The following LGR5 variants were observed in gnomAD, a reference collection of about 807,000 sequenced individuals.
LGR5 encodes leucine rich repeat containing G protein-coupled receptor 5.
In LGR5, 54 loss-of-function variants were observed where a neutral mutation model predicts 76.7. The ratio of observed to expected loss-of-function variants is 0.70; its 90% CI spans 0.57 to 0.88. LGR5 has a LOEUF of 0.88. Ranked by LOEUF, LGR5 falls within the 40% of genes least tolerant of loss-of-function variation. LGR5 has a pLI of 0.00. For synonymous variants in LGR5, 406 were observed against 421.9 expected (o/e 0.96, Z 0.46); for missense variants, 1,078 against 1,073.3 (o/e 1.00, Z -0.06).
intron 1 of LGR5, chr12:71,448,811 T>A (rs559514237): frequency 1.3e-5 from 2 of 152,314 alleles, no homozygotes; most frequent in African/African-American, 4.8e-5. Flanking sequence ...GAATTTGGAG[T>A]CTTCTAGTAA....
chr12:71,520,692 G>A (rs978988623), intron 2 of LGR5, among the ~76,000 whole-genome samples: 1 of 135,246 alleles, frequency 7.4e-6, no homozygotes, highest in Non-Finnish European at 1.5e-5. Flanking sequence ...ACAGGGAGGG[G>A]AACATCACAC....
intron 8 of LGR5, among the ~76,000 whole-genome samples, chr12:71,563,396 C>T (rs904205527): frequency 6.6e-6 from 1 of 152,182 alleles, no homozygotes; most frequent in African/African-American, 2.4e-5. Flanking sequence ...AGGCTGGCCT[C>T]CCTCCCTTCA....
intron 2 of LGR5, among the ~76,000 whole-genome samples, chr12:71,516,214 A>AT (rs1247419487): frequency 2.6e-5 from 4 of 151,964 alleles, no homozygotes; most frequent in East Asian, 3.8e-4. Context: ...GAACCGTTTC[A>AT]TTTTTTTTAA....
At chr12:71,539,465 C>A (rs1876765331) in intron 4 of LGR5, among the ~76,000 whole-genome samples, 1 of 152,048 alleles carries the variant, frequency 6.6e-6, no homozygotes, top group Admixed American at 6.6e-5. Flanking sequence ...CATAGGTACA[C>A]TTGTGGTTTT....
At chr12:71,460,452 A>G (rs1422566335) in intron 1 of LGR5, among the ~76,000 whole-genome samples, 2 of 152,086 alleles carry the variant, frequency 1.3e-5, no homozygotes, top group Admixed American at 1.3e-4. Flanking sequence ...CAGGGTTTTC[A>G]TCTCACTCTG....
intron 1 of LGR5, among the ~76,000 whole-genome samples, chr12:71,445,404 C>T (rs1431692543): frequency 3.9e-5 from 6 of 152,132 alleles, no homozygotes; most frequent in Admixed American, 1.3e-4. Flanking sequence ...CTTGTTAAAT[C>T]GGCCCATGAG....
At chr12:71,510,925 C>T (rs1875122693) in intron 2 of LGR5, among the ~76,000 whole-genome samples, 1 of 151,848 alleles carries the variant, frequency 6.6e-6, no homozygotes. Flanking sequence ...ATCAGTATGG[C>T]TGGAGCAGAG....
At chr12:71,530,065 C>T (rs1020946435) in intron 3 of LGR5, among the ~76,000 whole-genome samples, 1 of 151,844 alleles carries the variant, frequency 6.6e-6, no homozygotes, top group African/African-American at 2.4e-5. Context: ...CATCATCTTA[C>T]TATAAATTAC....
At chr12:71,439,437 T>C (rs1006343322), upstream of LGR5, among the ~76,000 whole-genome samples, 2 of 152,168 alleles carry the variant, frequency 1.3e-5, no homozygotes, top group Non-Finnish European at 2.9e-5. Flanking sequence ...ACGTGCCGCA[T>C]CCTCCAGTCC....
At chr12:71,559,486 T>A (rs1418628435) in intron 6 of LGR5, 100 bp from the exon 7 acceptor site, 1 of 659,900 alleles carries the variant, frequency 1.5e-6, no homozygotes, top group Non-Finnish European at 2.7e-6. Context: ...CTTCCATTAG[T>A]CATATGGGTT....
intron 1 of LGR5, among the ~76,000 whole-genome samples, chr12:71,484,465 A>G (rs1873742000): frequency 6.6e-6 from 1 of 152,202 alleles, no homozygotes; most frequent in Non-Finnish European, 1.5e-5. Flanking sequence ...TCCACCTCCT[A>G]CTGGTAATTC....
intron 11 of LGR5, among the ~76,000 whole-genome samples, chr12:71,567,607 G>A (rs74101883): frequency 0.023 from 3,432 of 152,186 alleles, 144 homozygotes; most frequent in African/African-American, 0.077. Flanking sequence ...TCACATAGAA[G>A]GCACCTGTGG....
At chr12:71,472,952 T>C (rs1023550625) in intron 1 of LGR5, among the ~76,000 whole-genome samples, 1 of 152,204 alleles carries the variant, frequency 6.6e-6, no homozygotes, top group Admixed American at 6.5e-5. Context: ...TAGAATTCAC[T>C]TGGAATATCT....
At chr12:71,547,209 T>C (rs1253976598) in intron 4 of LGR5, among the ~76,000 whole-genome samples, 1 of 152,224 alleles carries the variant, frequency 6.6e-6, no homozygotes, top group African/African-American at 2.4e-5. Context: ...TCAGCCATTT[T>C]AGCCTTTTGG....
chr12:71,578,233 G>GT (rs1472919047), intron 14 of LGR5, among the ~76,000 whole-genome samples: 1 of 152,188 alleles, frequency 6.6e-6, no homozygotes, highest in South Asian at 2.1e-4. Context: ...TTCAGCTGAA[G>GT]TTTTTTATTT....
intron 14 of LGR5, 31 bp from the exon 15 acceptor site, chr12:71,578,773 T>TA (rs759332151): frequency 6.3e-7 from 1 of 1,579,858 alleles, no homozygotes; most frequent in South Asian, 1.2e-5. Context: ...TAACATAGAC[T>TA]AAAAGCCAAT....
chr12:71,547,771 A>AT (rs1289932839), intron 4 of LGR5, among the ~76,000 whole-genome samples: 1 of 151,904 alleles, frequency 6.6e-6, no homozygotes, highest in African/African-American at 2.4e-5. Context: ...CACCCAGCTA[A>AT]TTTTTTTGTA....
intron 1 of LGR5, among the ~76,000 whole-genome samples, chr12:71,451,116 A>T (rs1459370844): frequency 6.6e-6 from 1 of 152,222 alleles, no homozygotes; most frequent in Non-Finnish European, 1.5e-5. Flanking sequence ...AGATTCTGGC[A>T]ATGCCATGTG....
At chr12:71,467,119 T>G (rs1872898880) in intron 1 of LGR5, among the ~76,000 whole-genome samples, 1 of 151,934 alleles carries the variant, frequency 6.6e-6, no homozygotes, top group Non-Finnish European at 1.5e-5. Flanking sequence ...ATTCCATAAA[T>G]AAAGAAATCA....
Sources: gnomAD v4.1 joint callset for allele counts (sites outside exome capture counted in the v4.1 genomes callset) on GRCh38, gnomAD v4.1.1 for gene constraint, MANE v1.5 for transcripts, NCBI Gene and HGNC (gene_info 2026-07-23, HGNC 2026-07-21) for gene names.